Variants in DOCK7 observed in about 807,000 individuals in gnomAD.
DOCK7 encodes dedicator of cytokinesis 7.
Under a neutral mutation model 271.0 loss-of-function variants are expected in DOCK7, and 138 were observed. The ratio of observed to expected loss-of-function variants is 0.51; its 90% confidence interval spans 0.44 to 0.59. DOCK7 has a LOEUF of 0.59. Among genes scored for constraint, DOCK7 ranks in the 20% least tolerant of loss-of-function variants. The probability of loss-of-function intolerance (pLI) is 0.00; values close to 1 mark genes in which losing one functional copy is unlikely to be tolerated. For synonymous variants in DOCK7, 823 were observed against 876.1 expected, an observed-to-expected ratio of 0.94 and a Z score of 1.07; for missense variants, 2,066 against 2,592.4, an observed-to-expected ratio of 0.80 and a Z score of 4.41.
chr1:62,602,181 T>C, intron 14 of DOCK7: 1 of 919,756 alleles, frequency 1.1e-6, no homozygotes, highest in East Asian at 2.5e-5. Context: ...ATTAATAAAC[T>C]ACCTTACAAA....
intron 19 of DOCK7, 83 bp from the exon 20 acceptor site, chr1:62,559,303 T>C: frequency 2.0e-6 from 2 of 983,130 alleles, no homozygotes; most frequent in Non-Finnish European, 3.0e-6. Context: ...ACCACAAACA[T>C]GTCATATTAC....
At position 62,561,699 on chromosome 1, in the gene DOCK7, G is replaced by T; in HGVS notation, c.2117C>A (p.Pro706His). ...ATCTACCCATTTCATGCCAGGTAGA[G>T]GAACCTGTAAGATATTAAATATAAT... ...QAYSVLSPEVPLPGMKWVDNH... is the reference protein window; with the variant it reads ...QAYSVLSPEVHLPGMKWVDNH... The change falls in exon 19 of 50, where the codon CCT (proline) becomes CAT (histidine). Residue 706 changes from proline to histidine, a missense_variant. This residue lies in a region of DOCK7 where 1,414 missense variants were observed against 1,670.4 expected (regional missense o/e 0.85). Transcript: ENST00000635253. 1.9e-6 allele frequency: 3 copies of T among 1,556,910 alleles called. No individual in the cohort carries two copies. Among genetic ancestry groups the T allele is most frequent in the Non-Finnish European group, 2.6e-6 (3 of 1,157,402 alleles).
At chr1:62,509,171 G>C (rs989748444) in intron 34 of DOCK7, among the ~76,000 whole-genome samples, 3 of 151,822 alleles carry the variant, frequency 2.0e-5, no homozygotes, top group African/African-American at 7.3e-5. Flanking sequence ...AAATTATTTG[G>C]GCGTGGTGGT....
rs59893499 is a variant in DOCK7 at position 62,562,233 on chromosome 1, C to CTTTT, written c.2113-534_2113-531dup. ...GCCTGTTGGTTTAAGGATCCAAAAA[C>CTTTT]TTTTTTTTTTTTTTTTGAAATAGAG... is the stretch of plus-strand genomic sequence containing the variant. On this transcript the variant is annotated intron_variant, in intron 18 of 49. Coordinates refer to ENST00000635253, the MANE Select transcript of DOCK7 (RefSeq NM_001367561.1). Among the ~76,000 whole-genome samples, 12 of 121,214 alleles carry CTTTT rather than the reference C, an allele frequency of 9.9e-5. 1 individual carries two copies. The highest frequency in any genetic ancestry group is 1.5e-4 in the African/African-American group (5 of 33,192). The allele number at this position is 121,214 out of a possible 152,430, so 79.5% of individuals were successfully genotyped here.
At chr1:62,632,981 G>GA (rs202064749) in intron 10 of DOCK7, among the ~76,000 whole-genome samples, 106 of 146,750 alleles carry the variant, frequency 7.2e-4, no homozygotes, top group Admixed American at 2.6e-3. Context: ...TGTCTCAAAA[G>GA]AAAAAAAAAA....
intron 43 of DOCK7, chr1:62,482,735 C>G (rs534528323): frequency 6.6e-6 from 1 of 152,170 alleles, no homozygotes; most frequent in Non-Finnish European, 1.5e-5. Context: ...AGAATTCTTA[C>G]AAATTTCCTC....
At chr1:62,681,563 CAA>C (rs1352950207) in intron 1 of DOCK7, among the ~76,000 whole-genome samples, 1 of 136,662 alleles carries the variant, frequency 7.3e-6, no homozygotes, top group Non-Finnish European at 1.6e-5. Flanking sequence ...AATAAAAATA[CAA>C]AAAAAAAAAG....
In DOCK7 at chr1:62,495,527, G is replaced by C. The variant is rs547930020; in HGVS notation, c.5024+54C>G. 256 of 1,135,396 alleles carry C rather than the reference G, an allele frequency of 2.3e-4. 3 individuals are homozygous for C. In the South Asian group the frequency reaches 4.6e-3, roughly 20 times the overall value. 70.3% of individuals were successfully genotyped at this position (1,135,396 alleles called of 1,614,324 possible). A position where few individuals can be genotyped will look rare whatever the true frequency, so the allele number is the denominator to read the frequency against. ...TTATTTTTTTCATCTAATGCTTACT[G>C]TATGTCTTACTAAGTCCCTTATACA... On this transcript the variant is annotated intron_variant, in intron 39 of 49. Coordinates refer to ENST00000635253, the MANE Select transcript of DOCK7 (RefSeq NM_001367561.1).
intron 35 of DOCK7, 61 bp from the exon 36 acceptor site, chr1:62,505,877 ACAGGCC>A: frequency 6.5e-7 from 1 of 1,538,920 alleles, no homozygotes; most frequent in Non-Finnish European, 8.8e-7. Context: ...TATGGATGTT[ACAGGCC>A]TCCCTATGTA....
chr1:62,473,308 A>C (rs1281941555), intron 48 of DOCK7, among the ~76,000 whole-genome samples: 2 of 152,172 alleles, frequency 1.3e-5, no homozygotes, highest in Admixed American at 1.3e-4. Context: ...TTTTGCTTCC[A>C]AGTTTACTGC....
chr1:62,670,827 C>G (rs542848096), intron 1 of DOCK7, among the ~76,000 whole-genome samples: 1 of 152,132 alleles, frequency 6.6e-6, no homozygotes, highest in Non-Finnish European at 1.5e-5. Flanking sequence ...AGCAGGCTGC[C>G]CGAGCCAGCA....
At chr1:62,663,765 G>A (rs1045179552) in intron 1 of DOCK7, among the ~76,000 whole-genome samples, 3 of 151,948 alleles carry the variant, frequency 2.0e-5, no homozygotes, top group South Asian at 2.1e-4. Flanking sequence ...GCACTGTTAC[G>A]AGCCAACTAC....
chr1:62,632,529 A>G (rs1002963660), intron 10 of DOCK7, among the ~76,000 whole-genome samples: 3 of 152,234 alleles, frequency 2.0e-5, no homozygotes, highest in South Asian at 2.1e-4. Flanking sequence ...TTGCTTACCC[A>G]GTATTCCTCA....
intron 31 of DOCK7, among the ~76,000 whole-genome samples, chr1:62,522,560 T>TA (rs1330080417): frequency 1.3e-5 from 2 of 151,770 alleles, no homozygotes; most frequent in African/African-American, 2.4e-5. Flanking sequence ...GAAGGTATCT[T>TA]AAAAAAAACC....
At position 62,496,514 on chromosome 1, in the gene DOCK7, G is replaced by T. The variant is rs943797240; in HGVS notation, c.4765-17C>A. ...GGCAAAGTTCTGTAACAGAGAAATT[G>T]TCCAGTCAATACTTAATATAGAAAA... On this transcript the variant is annotated splice_polypyrimidine_tract_variant and intron_variant, in intron 37 of 49. Coordinates refer to ENST00000635253, the MANE Select transcript of DOCK7 (RefSeq NM_001367561.1). 1 of 1,607,134 alleles carries T rather than the reference G, an allele frequency of 6.2e-7. No individual in the cohort carries two copies. The highest frequency in any genetic ancestry group is 1.7e-5 in the Admixed American group (1 of 58,668).
chr1:62,579,118 A>AT (rs1647032552), intron 16 of DOCK7, 152 bp from the exon 17 acceptor site: 1 of 735,502 alleles, frequency 1.4e-6, no homozygotes, highest in Admixed American at 3.8e-5. Flanking sequence ...TCTCTAAATA[A>AT]CTAAATCTTA....
chr1:62,634,680 A>T, intron 9 of DOCK7, 93 bp downstream of exon 9: 1 of 1,290,920 alleles, frequency 7.7e-7, no homozygotes, highest in Non-Finnish European at 1.1e-6. Flanking sequence ...AAATATGTAA[A>T]GGTCAAATCT....
chr1:62,590,053 T>C (rs1043607086), intron 14 of DOCK7, among the ~76,000 whole-genome samples: 1 of 151,862 alleles, frequency 6.6e-6, no homozygotes, highest in African/African-American at 2.4e-5. Context: ...TACAATGACA[T>C]GGAAACCAAA....
Position 62,543,678 on chromosome 1 carries a change from G to A in DOCK7, c.2927C>T (p.Thr976Met), listed in dbSNP as rs780945471. The A allele has an allele frequency of 1.3e-5, 21 of 1,602,204 alleles. No homozygotes were observed. The highest frequency in any genetic ancestry group is 1.7e-4 in the Middle Eastern group (1 of 6,030). The change falls in exon 24 of 50, where the codon ACG (threonine) becomes ATG (methionine). Residue 976 changes from threonine (T) to methionine (M), a missense_variant. Thr to Met is a moderately conservative substitution (Grantham distance 81). Around this residue, in one of 2 missense-constraint regions of DOCK7, gnomAD observed 1,414 missense variants for 1,670.4 expected, o/e 0.85. Transcript: ENST00000635253. Reference sequence around the variant, plus strand: ...TACCTTTTTAGTTGGTAAGCGTCCCGTTAATGTTTGTAAGAAACTTGACGT... The same window carrying A: ...TACCTTTTTAGTTGGTAAGCGTCCCATTAATGTTTGTAAGAAACTTGACGT... ...TETSSFLQTL[T>M]GRLPTKKLFH...
Sources: allele counts gnomAD v4.1 joint callset (sites outside exome capture counted in the v4.1 genomes callset), GRCh38; gene constraint gnomAD v4.1.1; regional missense constraint gnomAD v4.1.1; transcripts MANE v1.5; gene names NCBI Gene and HGNC (gene_info 2026-07-23, HGNC 2026-07-21).